Variants in IGFBP2 observed in about 807,000 individuals in gnomAD.
The protein encoded by IGFBP2 is insulin like growth factor binding protein 2, also known as insulin-like growth factor-binding protein 2.
In IGFBP2, 12 loss-of-function variants were observed where a neutral mutation model predicts 26.2. That is an observed-to-expected ratio of 0.46 (90% confidence interval 0.29 to 0.74). The LOEUF (loss-of-function observed/expected upper bound fraction) is 0.74. Among genes scored for constraint, IGFBP2 ranks in the 30% least tolerant of loss-of-function variants. The pLI, the probability that IGFBP2 is intolerant of heterozygous loss-of-function variation, is 0.09. For missense variants in IGFBP2, 328 were observed against 441.2 expected (o/e 0.74, Z 2.30); for synonymous variants, 189 against 200.6 (o/e 0.94, Z 0.49).
chr2:216,638,941 C>G (rs1007874091), intron 1 of IGFBP2, among the ~76,000 whole-genome samples: 17 of 151,750 alleles, frequency 1.1e-4, no homozygotes, highest in Admixed American at 6.6e-5. Context: ...ACCTCATGAT[C>G]CGCCCACCTC....
intron 1 of IGFBP2, chr2:216,659,885 C>T: frequency 1.3e-6 from 1 of 746,694 alleles, no homozygotes. Flanking sequence ...TGCCTCGGAG[C>T]AGCACTATGG....
intron 2 of IGFBP2, chr2:216,661,006 C>A: frequency 3.5e-6 from 2 of 573,880 alleles, no homozygotes. Flanking sequence ...GATGTTCTTT[C>A]CTTCTAAAAC....
chr2:216,651,727 A>G (rs2106199493), intron 1 of IGFBP2, among the ~76,000 whole-genome samples: 1 of 152,284 alleles, frequency 6.6e-6, no homozygotes, highest in East Asian at 1.9e-4. Context: ...TATAACTTTT[A>G]TTTACCCATT....
chr2:216,634,892 CT>C (rs1191096035), intron 1 of IGFBP2, among the ~76,000 whole-genome samples: 2,245 of 23,776 alleles, frequency 0.094, 75 homozygotes, highest in African/African-American at 0.18. Context: ...AAGGAGGTTA[CT>C]TTTTTTTTTT....
At chr2:216,652,947 T>C (rs1053696015) in intron 1 of IGFBP2, among the ~76,000 whole-genome samples, 1 of 152,152 alleles carries the variant, frequency 6.6e-6, no homozygotes, top group Non-Finnish European at 1.5e-5. Context: ...TACTCCTCTT[T>C]CCCAACCCTG....
At chr2:216,654,516 CTT>C (rs1428828575) in intron 1 of IGFBP2, among the ~76,000 whole-genome samples, 1 of 152,202 alleles carries the variant, frequency 6.6e-6, no homozygotes, top group Non-Finnish European at 1.5e-5. Flanking sequence ...GTTTGAATCT[CTT>C]TGGCTGGGAA....
rs570456594 is a variant in IGFBP2, at chr2:216,638,044, T to A, written c.442+4079T>A. 2.1e-3 allele frequency among the ~76,000 whole-genome samples: 313 copies of A among 152,102 alleles called. 1 individual carries two copies. Among genetic ancestry groups the A allele is most frequent in the Non-Finnish European group, 3.3e-3 (221 of 67,982 alleles). On this transcript the variant is annotated intron_variant, in intron 1 of 3. Coordinates refer to ENST00000233809, the MANE Select transcript of IGFBP2 (RefSeq NM_000597.3). ...CTCTGCTACAAATACAAAAATTAGC[T>A]GGGCATGGTGGAGCATGCCTGTAGT...
chr2:216,634,384 G>T (rs1434683544), intron 1 of IGFBP2, among the ~76,000 whole-genome samples: 1 of 152,110 alleles, frequency 6.6e-6, no homozygotes, highest in Non-Finnish European at 1.5e-5. Context: ...GGAGGCTGCG[G>T]GGTGCCAGTG....
chr2:216,640,493 G>A (rs1697590199), intron 1 of IGFBP2, among the ~76,000 whole-genome samples: 1 of 152,194 alleles, frequency 6.6e-6, no homozygotes, highest in African/African-American at 2.4e-5. Context: ...GAGATGGCAG[G>A]CAGCCGCCAG....
At chr2:216,634,574 C>T (rs996182954) in intron 1 of IGFBP2, among the ~76,000 whole-genome samples, 3 of 152,210 alleles carry the variant, frequency 2.0e-5, no homozygotes, top group Non-Finnish European at 4.4e-5. Flanking sequence ...GAGCAGGGCT[C>T]TTGCTACCAC....
chr2:216,656,834 T>A (rs1697931572), intron 1 of IGFBP2, among the ~76,000 whole-genome samples: 2 of 152,168 alleles, frequency 1.3e-5, no homozygotes, highest in Admixed American at 1.3e-4. Flanking sequence ...GTCCACAGAT[T>A]GGAGAGTTCC....
chr2:216,661,594 A>T (rs1688651107), intron 2 of IGFBP2: 1 of 552,042 alleles, frequency 1.8e-6, no homozygotes, highest in Non-Finnish European at 3.3e-6. Context: ...GCCCATTCTG[A>T]CACATGAAAG....
chr2:216,637,719 T>C (rs1697528156), intron 1 of IGFBP2, among the ~76,000 whole-genome samples: 1 of 152,200 alleles, frequency 6.6e-6, no homozygotes, highest in Non-Finnish European at 1.5e-5. Context: ...TCTGTTGTAT[T>C]CCCGAGGGTC....
intron 1 of IGFBP2, among the ~76,000 whole-genome samples, chr2:216,645,635 T>G (rs574959647): frequency 6.6e-6 from 1 of 152,362 alleles, no homozygotes; most frequent in African/African-American, 2.4e-5. Context: ...GTTCTGATTC[T>G]TGCAATACAG....
rs1443295570 is a variant in IGFBP2 at position 216,633,463 on chromosome 2, G to A, written c.-61G>A. ...GCGGCTCCCGCGCTCGCAGGGCCGT[G>A]CCACCTGCCCGCCCGCCCGCTCGCT... is the stretch of plus-strand genomic sequence containing the variant. On this transcript the variant is annotated 5_prime_UTR_variant, in exon 1 of 4. Coordinates refer to ENST00000233809, the MANE Select transcript of IGFBP2 (RefSeq NM_000597.3). 5 of 350,956 alleles carry A rather than the reference G, an allele frequency of 1.4e-5. No homozygotes were observed. Among genetic ancestry groups the A allele is most frequent in the Admixed American group, 6.4e-5 (1 of 15,696 alleles). 21.7% of individuals were successfully genotyped at this position (350,956 alleles called of 1,614,324 possible).
chr2:216,652,037 C>T (rs535662736), intron 1 of IGFBP2, among the ~76,000 whole-genome samples: 40 of 151,682 alleles, frequency 2.6e-4, no homozygotes, highest in Admixed American at 2.4e-3. Flanking sequence ...GCTGGGATTA[C>T]AGGCATGAGC....
intron 1 of IGFBP2, among the ~76,000 whole-genome samples, chr2:216,649,500 T>C (rs1256029280): frequency 1.3e-5 from 2 of 152,218 alleles, no homozygotes; most frequent in Non-Finnish European, 2.9e-5. Flanking sequence ...CACAGTCTAC[T>C]CACTTGGGCC....
At chr2:216,652,805 G>A (rs866866003) in intron 1 of IGFBP2, among the ~76,000 whole-genome samples, 2 of 152,172 alleles carry the variant, frequency 1.3e-5, no homozygotes, top group African/African-American at 2.4e-5. Context: ...AGGAAGCTGC[G>A]GCCAGCCTTC....
chr2:216,640,615 G>A lies in IGFBP2; in HGVS notation c.442+6650G>A, dbSNP rs539986277. On this transcript the variant is annotated intron_variant, in intron 1 of 3. Coordinates refer to ENST00000233809, the MANE Select transcript of IGFBP2 (RefSeq NM_000597.3). ...AGGGAGGCCGTTCTACCTCCATTTTGCAGGTGTGGACACTGGGTGACTCAG... is the reference window on the plus strand; with the variant it reads ...AGGGAGGCCGTTCTACCTCCATTTTACAGGTGTGGACACTGGGTGACTCAG... Among the ~76,000 whole-genome samples the A allele has an allele frequency of 2.1e-3, 325 of 152,244 alleles. 2 individuals are homozygous for A. Among genetic ancestry groups the A allele is most frequent in the African/African-American group, 7.1e-3 (294 of 41,542 alleles).
Sources: allele counts gnomAD v4.1 joint callset (sites outside exome capture counted in the v4.1 genomes callset), GRCh38; gene constraint gnomAD v4.1.1; transcripts MANE v1.5; gene names NCBI Gene and HGNC (gene_info 2026-07-23, HGNC 2026-07-21).